Variants in MCU observed in about 807,000 individuals in gnomAD.
The protein encoded by MCU is calcium uniporter protein, mitochondrial.
A neutral mutation model predicts 45.2 loss-of-function variants in MCU; 12 were observed. The ratio of observed to expected loss-of-function variants is 0.27; its 90% CI spans 0.17 to 0.43. The LOEUF is 0.43. Ranked by LOEUF, MCU falls within the 20% of genes least tolerant of loss-of-function variation. The pLI is 1.00. For synonymous variants in MCU, 160 were observed against 165.1 expected (o/e 0.97, Z 0.24); for missense variants, 324 against 436.7 (o/e 0.74, Z 2.30).
intron 1 of MCU, among the ~76,000 whole-genome samples, chr10:72,832,654 C>G (rs1416867600): frequency 6.6e-6 from 1 of 152,010 alleles, no homozygotes; most frequent in African/African-American, 2.4e-5. Flanking sequence ...TACCTCAAAA[C>G]AAAACATAGC....
At chr10:72,845,556 C>T (rs1845108576) in intron 2 of MCU, among the ~76,000 whole-genome samples, 1 of 152,040 alleles carries the variant, frequency 6.6e-6, no homozygotes, top group South Asian at 2.1e-4. Flanking sequence ...AAATACTTAC[C>T]ACTGTGTTAC....
chr10:72,833,207 A>G (rs1216960167), intron 1 of MCU, among the ~76,000 whole-genome samples: 1 of 152,216 alleles, frequency 6.6e-6, no homozygotes, highest in African/African-American at 2.4e-5. Context: ...GAAAAGATGT[A>G]TTATTCACTG....
At chr10:72,745,088 C>A (rs1843395302) in intron 1 of MCU, among the ~76,000 whole-genome samples, 1 of 152,078 alleles carries the variant, frequency 6.6e-6, no homozygotes, top group East Asian at 1.9e-4. Context: ...ATTAAAAAAA[C>A]CTATTTATAA....
intron 1 of MCU, among the ~76,000 whole-genome samples, chr10:72,776,293 G>T (rs1843892876): frequency 6.6e-6 from 1 of 152,038 alleles, no homozygotes; most frequent in South Asian, 2.1e-4. Flanking sequence ...CAGTATTATT[G>T]GCGAACATAG....
chr10:72,724,641 G>A (rs1843072178), intron 1 of MCU, among the ~76,000 whole-genome samples: 1 of 152,188 alleles, frequency 6.6e-6, no homozygotes, highest in Admixed American at 6.5e-5. Flanking sequence ...ATGTTGCCAA[G>A]TAAATACAGT....
chr10:72,779,096 A>G (rs1004620534), intron 1 of MCU, among the ~76,000 whole-genome samples: 5 of 151,974 alleles, frequency 3.3e-5, no homozygotes, highest in Admixed American at 6.6e-5. Flanking sequence ...CAGCCTCCCG[A>G]GTAGCTGGGA....
At chr10:72,773,675 G>A (rs900292805) in intron 1 of MCU, among the ~76,000 whole-genome samples, 14 of 151,992 alleles carry the variant, frequency 9.2e-5, no homozygotes, top group African/African-American at 3.4e-4. Context: ...CTACCTCAAG[G>A]CATATAATAA....
At chr10:72,779,763 T>C (rs1843960660) in intron 1 of MCU, among the ~76,000 whole-genome samples, 1 of 152,178 alleles carries the variant, frequency 6.6e-6, no homozygotes, top group Non-Finnish European at 1.5e-5. Context: ...GCTATAATAA[T>C]GCGACAGAAA....
chr10:72,739,296 A>C (rs1286808730), intron 1 of MCU, among the ~76,000 whole-genome samples: 1 of 152,216 alleles, frequency 6.6e-6, no homozygotes, highest in African/African-American at 2.4e-5. Context: ...CGTTCCTTTC[A>C]GTGCACTTTA....
chr10:72,824,385 T>TG (rs1188993799), intron 1 of MCU, among the ~76,000 whole-genome samples: 1 of 145,484 alleles, frequency 6.9e-6, no homozygotes, highest in Non-Finnish European at 1.5e-5. Flanking sequence ...TTTTTTTTTT[T>TG]TTTTTGTAGA....
intron 1 of MCU, among the ~76,000 whole-genome samples, chr10:72,752,255 ATT>A (rs35514755): frequency 1.9e-4 from 27 of 139,476 alleles, no homozygotes; most frequent in Non-Finnish European, 2.4e-4. Context: ...ACAGGTCCAG[ATT>A]TTTTTTTTTT....
At chr10:72,738,445 G>T (rs1241998463) in intron 1 of MCU, among the ~76,000 whole-genome samples, 1 of 152,134 alleles carries the variant, frequency 6.6e-6, no homozygotes. Flanking sequence ...ATAAAATGGG[G>T]CAGAAAAACA....
intron 1 of MCU, among the ~76,000 whole-genome samples, chr10:72,798,748 T>G (rs1474167427): frequency 1.3e-5 from 2 of 152,126 alleles, no homozygotes; most frequent in East Asian, 3.8e-4. Flanking sequence ...TCATTAGCAG[T>G]TTGATATACA....
intron 1 of MCU, among the ~76,000 whole-genome samples, chr10:72,825,567 T>C (rs1430065532): frequency 2.6e-5 from 4 of 152,194 alleles, no homozygotes; most frequent in Non-Finnish European, 5.9e-5. Flanking sequence ...AGAGAGAAAT[T>C]AATAGCAACC....
intron 2 of MCU, among the ~76,000 whole-genome samples, chr10:72,838,321 A>G (rs1844986433): frequency 6.6e-6 from 1 of 152,150 alleles, no homozygotes; most frequent in Admixed American, 6.5e-5. Flanking sequence ...CCTTGTATTA[A>G]GAATTGCTAG....
At chr10:72,829,601 G>T in intron 1 of MCU, among the ~76,000 whole-genome samples, 1 of 124,642 alleles carries the variant, frequency 8.0e-6, no homozygotes. Context: ...AGCTTCCAAG[G>T]AAAGTAAAGG....
intron 1 of MCU, among the ~76,000 whole-genome samples, chr10:72,777,856 C>A (rs1487222978): frequency 6.6e-6 from 1 of 152,076 alleles, no homozygotes; most frequent in Non-Finnish European, 1.5e-5. Context: ...AACAAATAAT[C>A]TATACAGTGG....
chr10:72,749,594 T>C (rs968847713), intron 1 of MCU, among the ~76,000 whole-genome samples: 1 of 152,086 alleles, frequency 6.6e-6, no homozygotes, highest in Non-Finnish European at 1.5e-5. Flanking sequence ...AAAAGTTAGG[T>C]TCTTAAAGGG....
chr10:72,757,560 A>ATTT (rs2132718437), intron 1 of MCU, among the ~76,000 whole-genome samples: 1 of 151,822 alleles, frequency 6.6e-6, no homozygotes, highest in Admixed American at 6.6e-5. Context: ...TTAAAAGGCC[A>ATTT]TAAAAATTGG....
Sources: gnomAD v4.1 joint callset for allele counts (sites outside exome capture counted in the v4.1 genomes callset) on GRCh38, gnomAD v4.1.1 for gene constraint, MANE v1.5 for transcripts, NCBI Gene and HGNC (gene_info 2026-07-23, HGNC 2026-07-21) for gene names.